The following GLP2R variants were observed in gnomAD, a reference collection of about 807,000 sequenced individuals.
GLP2R encodes the protein glucagon like peptide 2 receptor.
GLP2R carries 59 observed loss-of-function variants against 68.2 expected under a neutral mutation model. The observed-to-expected ratio is 0.87, with a 90% CI of 0.70 to 1.07. The LOEUF is 1.07. Ranked by LOEUF, GLP2R falls within the 50% of genes least tolerant of loss-of-function variation. The pLI, the probability that GLP2R is intolerant of heterozygous loss-of-function variation, is 0.00. For synonymous variants in GLP2R, 270 were observed against 265.4 expected (o/e 1.02, Z -0.17); for missense variants, 548 against 677.4 (o/e 0.81, Z 2.12).
At chr17:9,857,802 C>G (rs1232627070) in intron 6 of GLP2R, among the ~76,000 whole-genome samples, 3 of 152,216 alleles carry the variant, frequency 2.0e-5, no homozygotes, top group Non-Finnish European at 4.4e-5. Flanking sequence ...TGCTGTATGT[C>G]CTTGGGTGGG....
At chr17:9,840,821 G>A (rs190420505) in intron 3 of GLP2R, among the ~76,000 whole-genome samples, 98 of 152,310 alleles carry the variant, frequency 6.4e-4, no homozygotes, top group African/African-American at 1.9e-3. Context: ...GGTCAATGGC[G>A]CTCTATGCGG....
intron 9 of GLP2R, among the ~76,000 whole-genome samples, chr17:9,867,939 C>T (rs2067055287): frequency 6.6e-6 from 1 of 152,168 alleles, no homozygotes; most frequent in South Asian, 2.1e-4. Flanking sequence ...TGGCTTCAGG[C>T]TTCCCAAGAC....
At chr17:9,838,246 T>C (rs2066751835) in intron 3 of GLP2R, among the ~76,000 whole-genome samples, 1 of 152,166 alleles carries the variant, frequency 6.6e-6, no homozygotes, top group Non-Finnish European at 1.5e-5. Context: ...TTTGGAGACT[T>C]TGGGCAAATT....
intron 4 of GLP2R, among the ~76,000 whole-genome samples, chr17:9,843,449 A>C (rs1193570990): frequency 1.3e-5 from 2 of 152,218 alleles, no homozygotes; most frequent in African/African-American, 4.8e-5. Context: ...ATCAGACATC[A>C]GTTTCTTAGG....
At chr17:9,862,628 C>T (rs1299252475) in intron 9 of GLP2R, among the ~76,000 whole-genome samples, 1 of 152,092 alleles carries the variant, frequency 6.6e-6, no homozygotes, top group Non-Finnish European at 1.5e-5. Context: ...AAAGGGATGG[C>T]CAATCCAGAG....
At chr17:9,882,544 A>G (rs1346526453) in intron 11 of GLP2R, among the ~76,000 whole-genome samples, 1 of 151,960 alleles carries the variant, frequency 6.6e-6, no homozygotes, top group Non-Finnish European at 1.5e-5. Flanking sequence ...CTGCACACAT[A>G]CAGAGGAAAC....
intron 9 of GLP2R, 112 bp from the exon 10 acceptor site, chr17:9,870,635 C>T: frequency 2.8e-6 from 2 of 701,896 alleles, no homozygotes; most frequent in Non-Finnish European, 5.3e-6. Context: ...GCTGAATTGC[C>T]CCTGGTTTAC....
intron 4 of GLP2R, chr17:9,852,635 A>C (rs1415853584): frequency 1.1e-4 from 19 of 175,510 alleles, no homozygotes; most frequent in Non-Finnish European, 1.7e-4. Context: ...AGACAATATG[A>C]AAATAAATAA....
chr17:9,873,889 G>A (rs1479233597), intron 10 of GLP2R, among the ~76,000 whole-genome samples: 1 of 152,066 alleles, frequency 6.6e-6, no homozygotes, highest in South Asian at 2.1e-4. Flanking sequence ...GAATATTCTG[G>A]TCGGGCCATT....
chr17:9,833,077 A>G (rs968257707), intron 1 of GLP2R, among the ~76,000 whole-genome samples: 3 of 152,148 alleles, frequency 2.0e-5, no homozygotes, highest in African/African-American at 7.2e-5. Context: ...CCTGCCCAAC[A>G]TGGTGAAAAC....
chr17:9,887,432 A>G (rs371017102), intron 11 of GLP2R, among the ~76,000 whole-genome samples: 121 of 152,224 alleles, frequency 7.9e-4, no homozygotes, highest in African/African-American at 2.6e-3. Flanking sequence ...GGAGGCTGAG[A>G]CAGGAGAATG....
intron 4 of GLP2R, among the ~76,000 whole-genome samples, chr17:9,848,460 T>A (rs1200021817): frequency 6.6e-6 from 1 of 152,138 alleles, no homozygotes; most frequent in African/African-American, 2.4e-5. Context: ...AGTTCCAAAG[T>A]TCCCCAGATG....
chr17:9,859,875 TCTCCCCCG>T, intron 6 of GLP2R, 59 bp from the exon 7 acceptor site: 1 of 856,580 alleles, frequency 1.2e-6, no homozygotes, highest in Non-Finnish European at 1.6e-6. Flanking sequence ...GGGAGGCCCT[TCTCCCCCG>T]ACTCGGGATC....
At chr17:9,879,405 G>A (rs1368004200) in intron 10 of GLP2R, among the ~76,000 whole-genome samples, 1 of 152,082 alleles carries the variant, frequency 6.6e-6, no homozygotes, top group African/African-American at 2.4e-5. Context: ...TCCGAAGCAG[G>A]AGGATTGCTT....
rs2066919364 is a variant in GLP2R at position 9,854,593 on chromosome 17, G to A, written c.603G>A (p.Leu201=). The stretch of plus-strand genomic sequence containing the variant: ...TCTTCCTGGCTCTCACCCTCCTCTT[G>A]TTTCTTCGGTGAGTAGAACTTCTGC... ...ISLFLALTLL[L]FLRKLHCTRN... is the part of the protein sequence containing the mutation. Residue 201 remains leucine, a synonymous_variant, in exon 5 of 13, where the codon TTG becomes TTA. Transcript: ENST00000262441. 2 of 1,579,510 alleles carry A rather than the reference G, an allele frequency of 1.3e-6. No homozygotes were observed. The highest frequency in any genetic ancestry group is 1.7e-6 in the Non-Finnish European group (2 of 1,148,604).
At chr17:9,859,846 A>AT in intron 6 of GLP2R, 96 bp from the exon 7 acceptor site, 1 of 540,432 alleles carries the variant, frequency 1.9e-6, no homozygotes, top group Non-Finnish European at 2.8e-6. Flanking sequence ...AAAAAAAAAA[A>AT]GAGGGAGAGG....
At chr17:9,878,382 A>G (rs543068180) in intron 10 of GLP2R, among the ~76,000 whole-genome samples, 8 of 152,364 alleles carry the variant, frequency 5.3e-5, no homozygotes, top group African/African-American at 1.2e-4. Context: ...TCTGCAGGTC[A>G]GTTACTATCC....
At chr17:9,831,365 G>C (rs999051299) in intron 1 of GLP2R, among the ~76,000 whole-genome samples, 15 of 152,172 alleles carry the variant, frequency 9.9e-5, no homozygotes, top group Admixed American at 3.3e-4. Context: ...CTTGTATTCA[G>C]AGATGAAAGA....
At chr17:9,871,535 A>G (rs2067092784) in intron 10 of GLP2R, among the ~76,000 whole-genome samples, 1 of 152,052 alleles carries the variant, frequency 6.6e-6, no homozygotes, top group African/African-American at 2.4e-5. Flanking sequence ...TTCCACAGGC[A>G]TCCTTTAATT....
Sources: gnomAD v4.1 joint callset for allele counts (sites outside exome capture counted in the v4.1 genomes callset) on GRCh38, gnomAD v4.1.1 for gene constraint, MANE v1.5 for transcripts, NCBI Gene and HGNC (gene_info 2026-07-23, HGNC 2026-07-21) for gene names.